Variants in ATP1A3 observed in about 807,000 individuals in gnomAD.
ATP1A3 encodes ATPase Na+/K+ transporting subunit alpha 3.
ATP1A3 carries 12 observed loss-of-function variants against 108.8 expected under a neutral mutation model. The ratio of observed to expected loss-of-function variants is 0.11; its 90% CI spans 0.07 to 0.18. ATP1A3 has a LOEUF of 0.18. Among genes scored for constraint, ATP1A3 ranks in the 10% least tolerant of loss-of-function variants. ATP1A3 has a pLI of 1.00. For synonymous variants in ATP1A3, 539 were observed against 564.5 expected (o/e 0.95, Z 0.64); for missense variants, 498 against 1,387.7 (o/e 0.36, Z 10.19).
Position 41,977,577 on chromosome 19 carries a change from G to A in ATP1A3, c.1943+359C>T, listed in dbSNP as rs546094146. On this transcript the variant is annotated intron_variant, in intron 14 of 22. Coordinates refer to ENST00000648268, the MANE Select transcript of ATP1A3 (RefSeq NM_152296.5). ...TAGCGGGGCATGGTGGAGGGCCCCT[G>A]TAATCCCAGCTACTCAAGAGGCTGA... Among the ~76,000 whole-genome samples, 4 of 151,782 alleles carry A rather than the reference G, an allele frequency of 2.6e-5. No individual in the cohort carries two copies. The South Asian group carries it at 8.3e-4, about 32-fold the overall frequency.
chr19:41,968,655 G>T lies in ATP1A3; in HGVS notation c.2819+130C>A. 1 of 1,439,228 alleles carries T rather than the reference G, an allele frequency of 6.9e-7. No individual in the cohort carries two copies. Among genetic ancestry groups the T allele is most frequent in the Non-Finnish European group, 9.5e-7 (1 of 1,057,434 alleles). The allele number at this position is 1,439,228 out of a possible 1,614,324, so 89.2% of individuals were successfully genotyped here. ...TACACCACTGAACTCCAGTCTGGGTGACAGAGTGAGACCCTGCCTCAACAA... is the reference window on the plus strand; with the variant it reads ...TACACCACTGAACTCCAGTCTGGGTTACAGAGTGAGACCCTGCCTCAACAA... On this transcript the variant is annotated intron_variant, in intron 20 of 22. Coordinates refer to ENST00000648268, the MANE Select transcript of ATP1A3 (RefSeq NM_152296.5). The surrounding 1 kb of genome is among the most constrained non-coding windows in gnomAD (Gnocchi z 5.0).
rs781849341 is a variant in ATP1A3 at position 41,976,577 on chromosome 19, CAG to C, written c.1944-13_1944-12del. The C allele has an allele frequency of 2.5e-6, 4 of 1,613,760 alleles. No individual in the cohort carries two copies. The highest frequency in any genetic ancestry group is 3.4e-6 in the Non-Finnish European group (4 of 1,179,898). ...CAGGCCTTGGCATCCCTGGGAAGAG[CAG>C]AGAGAGCGATGGCTGAGGTCAGGGT... On this transcript the variant is annotated splice_polypyrimidine_tract_variant and intron_variant, in intron 14 of 22. Coordinates refer to ENST00000648268, the MANE Select transcript of ATP1A3 (RefSeq NM_152296.5).
In ATP1A3 at chr19:41,988,424, A is replaced by G; in HGVS notation, c.94-47T>C. The G allele has an allele frequency of 6.2e-7, 1 of 1,614,180 alleles. No homozygotes were observed. Among genetic ancestry groups the G allele is most frequent in the Non-Finnish European group, 8.5e-7 (1 of 1,180,032 alleles). On this transcript the variant is annotated intron_variant, in intron 2 of 22. Coordinates refer to ENST00000648268, the MANE Select transcript of ATP1A3 (RefSeq NM_152296.5). This position sits in a 1 kb window ranked among gnomAD's most constrained non-coding sequence, Gnocchi z 5.3. ...GAGACGGTGAGTGCCTAGGCCAGCC[A>G]AGAACTGGCGAGGTTCTCTGGGAGG...
intron 4 of ATP1A3, 106 bp downstream of exon 4, chr19:41,987,830 G>C (rs1490315124): frequency 1.2e-5 from 16 of 1,370,980 alleles, no homozygotes; most frequent in Non-Finnish European, 1.2e-5. Context: ...TGGGAAAAAG[G>C]GGGAGAGTGG....
At chr19:41,991,688 T>C (rs112332630) in intron 1 of ATP1A3, among the ~76,000 whole-genome samples, 1 of 151,918 alleles carries the variant, frequency 6.6e-6, no homozygotes, top group Admixed American at 6.5e-5. Context: ...GCCCCATAAA[T>C]GCTAAGGGCT....
At chr19:41,975,842 A>C (rs782513718) in intron 15 of ATP1A3, 45 bp from the exon 16 acceptor site, 1 of 1,611,492 alleles carries the variant, frequency 6.2e-7, no homozygotes, top group Non-Finnish European at 8.5e-7. Context: ...GCCAGTCCCC[A>C]GAGTCCCCTC....
rs991925109 is a variant in ATP1A3 at position 41,981,291 on chromosome 19, G to T, written c.1437+211C>A. Among the ~76,000 whole-genome samples, 1 of 151,928 alleles carries T rather than the reference G, an allele frequency of 6.6e-6. No homozygotes were observed. Among genetic ancestry groups the T allele is most frequent in the Non-Finnish European group, 1.5e-5 (1 of 67,990 alleles). ...TGGTGTTAAAGGTGTGAGCCACCGC[G>T]CCTGGCCTGCAGGAAGATCTTTACT... On this transcript the variant is annotated intron_variant, in intron 11 of 22. Coordinates refer to ENST00000648268, the MANE Select transcript of ATP1A3 (RefSeq NM_152296.5). This position sits in a 1 kb window ranked among gnomAD's most constrained non-coding sequence, Gnocchi z 5.0.
Position 41,994,140 on chromosome 19 carries a change from T to C in ATP1A3, c.-64A>G, listed in dbSNP as rs373531937. The stretch of plus-strand genomic sequence containing the variant: ...CGGGGACCTCGGGGCGGGCTCAGGC[T>C]CAGGCTTGGGCTGGGAGCCTCTGCA... On this transcript the variant is annotated 5_prime_UTR_variant, in exon 1 of 23. Coordinates refer to ENST00000648268, the MANE Select transcript of ATP1A3 (RefSeq NM_152296.5). 60 of 1,510,606 alleles carry C rather than the reference T, an allele frequency of 4.0e-5. 1 individual carries two copies. The East Asian group carries it at 5.1e-4, about 13-fold the overall frequency. The allele number at this position is 1,510,606 out of a possible 1,614,324, so 93.6% of individuals were successfully genotyped here.
At position 41,988,257 on chromosome 19, in the gene ATP1A3, G is replaced by A; in HGVS notation, c.153+61C>T. ...AGCCCCTCCTCCCTCAGACCCAGGG[G>A]TCCTAGCCCCCAGCTCCTCCTCCCT... On this transcript the variant is annotated intron_variant, in intron 3 of 22. Transcript: ENST00000648268. This position sits in a 1 kb window ranked among gnomAD's most constrained non-coding sequence, Gnocchi z 5.3. 7 of 1,613,012 alleles carry A rather than the reference G, an allele frequency of 4.3e-6. No homozygotes were observed. The highest frequency in any genetic ancestry group is 4.0e-5 in the African/African-American group (3 of 74,992).
At chr19:41,984,147 T>G (rs947512397) in intron 8 of ATP1A3, 22 of 152,126 alleles carry the variant, frequency 1.4e-4, no homozygotes, top group African/African-American at 5.1e-4. Context: ...CCTCAAGCAG[T>G]CCTCCTGCCT....
At position 41,978,262 on chromosome 19, in the gene ATP1A3, G is replaced by A. The variant is rs375255226; in HGVS notation, c.1695C>T (p.Asp565=). 230 of 1,613,400 alleles carry A rather than the reference G, an allele frequency of 1.4e-4. No individual in the cohort carries two copies. The highest frequency in any genetic ancestry group is 3.1e-4 in the East Asian group (14 of 44,880). Residue 565 remains aspartate (D), a synonymous_variant, in exon 13 of 23, where the codon GAC becomes GAT. Coordinates refer to ENST00000648268, the MANE Select transcript of ATP1A3 (RefSeq NM_152296.5). This position sits in a 1 kb window ranked among gnomAD's most constrained non-coding sequence, Gnocchi z 8.3. ...AGAGGTTGTCCGTGGTGAAGTTCAC[G>A]TCATCACAGTCGAAGGCAAAGCCCT... is the stretch of plus-strand genomic sequence containing the variant. ...FPKGFAFDCD[D]VNFTTDNLCF... is the part of the protein sequence containing the mutation.
Position 41,967,049 on chromosome 19 carries a change from A to C in ATP1A3, c.3014-84T>G. On this transcript the variant is annotated intron_variant, in intron 22 of 22. Coordinates refer to ENST00000648268, the MANE Select transcript of ATP1A3 (RefSeq NM_152296.5). The surrounding 1 kb of genome is among the most constrained non-coding windows in gnomAD (Gnocchi z 4.2). ...GGCGAGCCGCCCAGCAGAGAGAGGG[A>C]CAGAGAGGGAGAGAGACAAGGAAAC... 1 of 1,551,576 alleles carries C rather than the reference A, an allele frequency of 6.4e-7. No individual in the cohort carries two copies. The highest frequency in any genetic ancestry group is 8.7e-7 in the Non-Finnish European group (1 of 1,146,946).
Position 41,978,804 on chromosome 19 carries a change from G to A in ATP1A3, c.1438-6C>T, listed in dbSNP as rs1555862373. Reference sequence around the variant, plus strand: ...TCGGTCTCATGGATGGAGAGCTGGGGACCGATCAGAGGGTGGCGTGCCTGA... The same window carrying A: ...TCGGTCTCATGGATGGAGAGCTGGGAACCGATCAGAGGGTGGCGTGCCTGA... On this transcript the variant is annotated splice_region_variant and splice_polypyrimidine_tract_variant and intron_variant, in intron 11 of 22. Coordinates refer to ENST00000648268, the MANE Select transcript of ATP1A3 (RefSeq NM_152296.5). The surrounding 1 kb of genome is among the most constrained non-coding windows in gnomAD (Gnocchi z 8.3). The A allele has an allele frequency of 6.2e-7, 1 of 1,613,656 alleles. No homozygotes were observed. Among genetic ancestry groups the A allele is most frequent in the Non-Finnish European group, 8.5e-7 (1 of 1,179,830 alleles).
chr19:41,978,303 C>G lies in ATP1A3; in HGVS notation c.1654G>C (p.Glu552Gln), dbSNP rs367904817. The change falls in exon 13 of 23, where the codon GAG becomes CAG. Residue 552 changes from glutamate (E) to glutamine (Q), a missense_variant. Around this residue, in one of 9 missense-constraint regions of ATP1A3, gnomAD observed 92 missense variants for 168.7 expected, o/e 0.55. Coordinates refer to ENST00000648268, the MANE Select transcript of ATP1A3 (RefSeq NM_152296.5). This position sits in a 1 kb window ranked among gnomAD's most constrained non-coding sequence, Gnocchi z 8.3. ...VLGFCHYYLP[E>Q]EQFPKGFAFD... is the part of the protein sequence containing the mutation. ...GCAAAGCCCTTGGGGAACTGCTCCT[C>G]GGGCAGGTAATAATGGCAGAAACCT... 3.7e-6 allele frequency: 6 copies of G among 1,606,876 alleles called. No individual in the cohort carries two copies. In the African/African-American group the frequency reaches 5.3e-5, roughly 14 times the overall value.
At chr19:41,993,421 C>G (rs1555868043) in intron 1 of ATP1A3, 1 of 1,535,822 alleles carries the variant, frequency 6.5e-7, no homozygotes, top group East Asian at 2.4e-5. Context: ...CTCCTCCTCC[C>G]AGCCTCCCAT....
chr19:41,993,289 G>A, intron 1 of ATP1A3: 1 of 1,201,128 alleles, frequency 8.3e-7, no homozygotes, highest in Admixed American at 2.0e-5. Context: ...CTCACAGACA[G>A]ACAAGGACAC....
In ATP1A3 at chr19:41,994,153, G is replaced by A; in HGVS notation, c.-77C>T. 1.4e-6 allele frequency: 2 copies of A among 1,428,520 alleles called. No homozygotes were observed. Among genetic ancestry groups the A allele is most frequent in the Non-Finnish European group, 9.3e-7 (1 of 1,071,056 alleles). 88.5% of individuals were successfully genotyped at this position (1,428,520 alleles called of 1,614,324 possible). Reference sequence around the variant, plus strand: ...GCGGGCTCAGGCTCAGGCTTGGGCTGGGAGCCTCTGCAGCGCCCGCGCCTC... The same window carrying A: ...GCGGGCTCAGGCTCAGGCTTGGGCTAGGAGCCTCTGCAGCGCCCGCGCCTC... On this transcript the variant is annotated 5_prime_UTR_variant, in exon 1 of 23. Coordinates refer to ENST00000648268, the MANE Select transcript of ATP1A3 (RefSeq NM_152296.5).
intron 15 of ATP1A3, 116 bp downstream of exon 15, chr19:41,976,299 AC>A: frequency 7.1e-7 from 1 of 1,412,708 alleles, no homozygotes; most frequent in Non-Finnish European, 9.7e-7. Context: ...CCTCTCTCAG[AC>A]CCAGGGGTCC....
Position 41,985,458 on chromosome 19 carries a change from C to G in ATP1A3, c.607-35G>C. 6.3e-7 allele frequency: 1 copy of G among 1,581,998 alleles called. No individual in the cohort carries two copies. Among genetic ancestry groups the G allele is most frequent in the South Asian group, 1.1e-5 (1 of 90,382 alleles). Reference sequence around the variant, plus strand: ...GGTGCAGCAGAGAGAGGGTTCAGTCCAGGGCCTGGGACAGGAGGGTATTTG... The same window carrying G: ...GGTGCAGCAGAGAGAGGGTTCAGTCGAGGGCCTGGGACAGGAGGGTATTTG... On this transcript the variant is annotated intron_variant, in intron 6 of 22. Coordinates refer to ENST00000648268, the MANE Select transcript of ATP1A3 (RefSeq NM_152296.5). This position sits in a 1 kb window ranked among gnomAD's most constrained non-coding sequence, Gnocchi z 8.2.
Sources: allele counts gnomAD v4.1 joint callset (sites outside exome capture counted in the v4.1 genomes callset), GRCh38; gene constraint gnomAD v4.1.1; regional missense constraint gnomAD v4.1.1; non-coding constraint Gnocchi (gnomAD v3.1); transcripts MANE v1.5; gene names NCBI Gene and HGNC (gene_info 2026-07-23, HGNC 2026-07-21).